The following TCF12 variants were observed in gnomAD, a reference collection of about 807,000 sequenced individuals.
The protein encoded by TCF12 is transcription factor 12.
A neutral mutation model predicts 86.0 loss-of-function variants in TCF12; 45 were observed. The ratio of observed to expected loss-of-function variants is 0.52; its 90% CI spans 0.41 to 0.67. The LOEUF is 0.67. Ranked by LOEUF, TCF12 falls within the 30% of genes least tolerant of loss-of-function variation. TCF12 has a pLI of 0.00. For synonymous variants in TCF12, 330 were observed against 299.6 expected, an observed-to-expected ratio of 1.10 and a Z score of -1.05; for missense variants, 881 against 859.9, an observed-to-expected ratio of 1.02 and a Z score of -0.31.
intron 15 of TCF12, among the ~76,000 whole-genome samples, chr15:57,252,764 C>G (rs778546612): frequency 6.6e-6 from 1 of 151,946 alleles, no homozygotes; most frequent in South Asian, 2.1e-4. Context: ...ACAGACAATA[C>G]CATTTATTTA....
intron 8 of TCF12, among the ~76,000 whole-genome samples, chr15:57,225,009 G>C (rs2151890551): frequency 6.6e-6 from 1 of 152,116 alleles, no homozygotes; most frequent in Non-Finnish European, 1.5e-5. Context: ...TGAAAGCATT[G>C]AGATATTTAT....
chr15:57,254,403 T>C (rs8042069), intron 16 of TCF12, among the ~76,000 whole-genome samples: 150,376 of 152,298 alleles, frequency 0.99, 74,272 homozygotes, highest in Middle Eastern at 1. Context: ...ACAAGGCTGC[T>C]TGTTTTCTGA....
intron 5 of TCF12, among the ~76,000 whole-genome samples, chr15:57,123,968 C>CAAAAAAAA (rs71113066): frequency 2.5e-5 from 2 of 81,096 alleles, no homozygotes; most frequent in Non-Finnish European, 5.1e-5. Context: ...GACTCCGTCT[C>CAAAAAAAA]AAAAAAAAAA....
chr15:57,007,800 T>TTCTCTCTCTCTC (rs368627940), intron 3 of TCF12, among the ~76,000 whole-genome samples: 15 of 133,492 alleles, frequency 1.1e-4, no homozygotes, highest in African/African-American at 4.0e-4. Flanking sequence ...CTCTCTTTCT[T>TTCTCTCTCTCTC]TCTTTCTTTC....
intron 3 of TCF12, among the ~76,000 whole-genome samples, chr15:57,024,749 A>G (rs1482813273): frequency 6.6e-6 from 1 of 152,204 alleles, no homozygotes; most frequent in East Asian, 1.9e-4. Flanking sequence ...AATAGTGCCA[A>G]TCAGTAATAT....
At chr15:57,247,961 T>C (rs1434218156) in intron 13 of TCF12, 2 of 744,084 alleles carry the variant, frequency 2.7e-6, no homozygotes, top group African/African-American at 1.7e-5. Flanking sequence ...TCTGGTTCCT[T>C]TGAATCATGG....
intron 3 of TCF12, among the ~76,000 whole-genome samples, chr15:56,969,024 G>A (rs1169351642): frequency 6.6e-6 from 1 of 152,152 alleles, no homozygotes; most frequent in Non-Finnish European, 1.5e-5. Flanking sequence ...AAACAATAGG[G>A]CAGAGGAAGC....
chr15:57,243,634 A>T, intron 13 of TCF12, 84 bp downstream of exon 13: 1 of 1,233,404 alleles, frequency 8.1e-7, no homozygotes, highest in Non-Finnish European at 1.2e-6. Flanking sequence ...AAACTTTAAT[A>T]AAAATTTGTG....
chr15:57,064,812 AAGAG>A (rs1555495496), intron 4 of TCF12, among the ~76,000 whole-genome samples: 26 of 123,446 alleles, frequency 2.1e-4, no homozygotes, highest in African/African-American at 4.3e-4. Flanking sequence ...AAAAAAAAAA[AAGAG>A]AGAGAGAGAA....
intron 4 of TCF12, among the ~76,000 whole-genome samples, chr15:57,064,329 C>T (rs1252672232): frequency 6.6e-6 from 1 of 152,134 alleles, no homozygotes; most frequent in African/African-American, 2.4e-5. Context: ...CAACTTTCTA[C>T]ACACTGAGGT....
intron 8 of TCF12, among the ~76,000 whole-genome samples, chr15:57,200,443 G>T (rs1167309309): frequency 1.4e-4 from 21 of 151,886 alleles, no homozygotes; most frequent in Admixed American, 1.4e-3. Context: ...GAAAAATGGA[G>T]TATTAAAAAT....
intron 3 of TCF12, among the ~76,000 whole-genome samples, chr15:57,004,833 G>T (rs2141088093): frequency 6.6e-6 from 1 of 152,294 alleles, no homozygotes; most frequent in Non-Finnish European, 1.5e-5. Context: ...GGGATTATAG[G>T]CATGAGCCAC....
intron 6 of TCF12, 106 bp from the exon 7 acceptor site, chr15:57,192,052 A>G (rs1331250258): frequency 7.6e-7 from 1 of 1,324,054 alleles, no homozygotes; most frequent in African/African-American, 1.5e-5. Context: ...GTGCGTTCTA[A>G]GTTAAGACAT....
intron 8 of TCF12, among the ~76,000 whole-genome samples, chr15:57,226,407 A>T (rs538817187): frequency 6.6e-6 from 1 of 152,254 alleles, no homozygotes; most frequent in South Asian, 2.1e-4. Flanking sequence ...TGGTAAATTG[A>T]TGTAAATTAT....
At chr15:57,044,060 CTT>C (rs776291279) in intron 3 of TCF12, among the ~76,000 whole-genome samples, 4 of 151,842 alleles carry the variant, frequency 2.6e-5, no homozygotes, top group Non-Finnish European at 4.4e-5. Context: ...AGATTGGACA[CTT>C]TCAAATTGGA....
intron 8 of TCF12, among the ~76,000 whole-genome samples, chr15:57,214,576 T>C (rs1256045637): frequency 1.3e-5 from 2 of 152,220 alleles, no homozygotes; most frequent in East Asian, 3.8e-4. Flanking sequence ...CTTGAGATAT[T>C]TGTAAAGAAA....
chr15:57,232,515 CT>C (rs2059183394), intron 10 of TCF12, 85 bp downstream of exon 10: 1 of 1,510,984 alleles, frequency 6.6e-7, no homozygotes. Context: ...AAATCTAAGT[CT>C]GCCAAAACTT....
intron 3 of TCF12, among the ~76,000 whole-genome samples, chr15:56,974,835 A>T (rs1394373514): frequency 6.6e-6 from 1 of 151,878 alleles, no homozygotes; most frequent in East Asian, 1.9e-4. Context: ...TTTCTAAGTG[A>T]TTTTTATGAA....
chr15:56,946,590 G>C (rs1258759366), intron 3 of TCF12, among the ~76,000 whole-genome samples: 1 of 151,942 alleles, frequency 6.6e-6, no homozygotes, highest in Non-Finnish European at 1.5e-5. Flanking sequence ...CTGGTTATGG[G>C]TCACATTTTT....
Sources: gnomAD v4.1 joint callset for allele counts (sites outside exome capture counted in the v4.1 genomes callset) on GRCh38, gnomAD v4.1.1 for gene constraint, MANE v1.5 for transcripts, NCBI Gene and HGNC (gene_info 2026-07-23, HGNC 2026-07-21) for gene names.